NKAIN2: variants seen among roughly 807,000 people sequenced by gnomAD.
The protein encoded by NKAIN2 is sodium/potassium-transporting ATPase subunit beta-1-interacting protein 2.
NKAIN2 carries 14 observed loss-of-function variants against 32.6 expected under a neutral mutation model. That is an observed-to-expected ratio of 0.43 (90% CI 0.28 to 0.67). The LOEUF (loss-of-function observed/expected upper bound fraction) is 0.67, where lower values mean the gene tolerates loss of function less well. Among genes scored for constraint, NKAIN2 ranks in the 30% least tolerant of loss-of-function variants. The probability of loss-of-function intolerance (pLI) is 0.17; values close to 1 mark genes in which losing one functional copy is unlikely to be tolerated. For missense variants in NKAIN2, 198 were observed against 258.3 expected (o/e 0.77, Z 1.60); for synonymous variants, 80 against 87.2 (o/e 0.92, Z 0.46).
intron 1 of NKAIN2, among the ~76,000 whole-genome samples, chr6:123,809,843 A>G (rs1210394975): frequency 6.6e-6 from 1 of 152,168 alleles, no homozygotes; most frequent in Admixed American, 6.5e-5. Flanking sequence ...GGTGACTTCA[A>G]AAGCTTATGA....
intron 1 of NKAIN2, among the ~76,000 whole-genome samples, chr6:123,811,783 A>T (rs1312651161): frequency 6.6e-6 from 1 of 152,140 alleles, no homozygotes; most frequent in Non-Finnish European, 1.5e-5. Context: ...TAGAACAACT[A>T]GTTTTTTTTC....
At chr6:124,108,372 G>A (rs1785216326) in intron 1 of NKAIN2, among the ~76,000 whole-genome samples, 1 of 152,026 alleles carries the variant, frequency 6.6e-6, no homozygotes, top group Admixed American at 6.6e-5. Context: ...GGTGAAATAT[G>A]GCAAGAGGTG....
intron 1 of NKAIN2, among the ~76,000 whole-genome samples, chr6:123,869,423 A>C (rs1479988153): frequency 6.6e-6 from 1 of 152,136 alleles, no homozygotes; most frequent in Non-Finnish European, 1.5e-5. Flanking sequence ...TCCCTTCAAG[A>C]GCTCTCAGCC....
intron 1 of NKAIN2, among the ~76,000 whole-genome samples, chr6:123,981,026 T>G (rs1328692804): frequency 2.0e-5 from 3 of 151,984 alleles, no homozygotes; most frequent in Non-Finnish European, 2.9e-5. Context: ...CGCACCACCA[T>G]GCCCGGCTAT....
intron 1 of NKAIN2, among the ~76,000 whole-genome samples, chr6:124,238,864 C>T (rs887746021): frequency 6.6e-6 from 1 of 152,160 alleles, no homozygotes; most frequent in Non-Finnish European, 1.5e-5. Flanking sequence ...GAAGAAACTG[C>T]ATCAACAAAT....
chr6:124,288,995 T>C (rs992446274), intron 2 of NKAIN2, among the ~76,000 whole-genome samples: 1 of 152,090 alleles, frequency 6.6e-6, no homozygotes, highest in East Asian at 1.9e-4. Context: ...AAGCAAGAGA[T>C]GAAATTAATG....
At chr6:124,068,093 T>C (rs1290937175) in intron 1 of NKAIN2, among the ~76,000 whole-genome samples, 1 of 152,186 alleles carries the variant, frequency 6.6e-6, no homozygotes, top group African/African-American at 2.4e-5. Context: ...CTTAAGTTTA[T>C]GTAGTTAGTA....
At chr6:124,112,391 CA>C (rs1487472433) in intron 1 of NKAIN2, among the ~76,000 whole-genome samples, 105 of 152,286 alleles carry the variant, frequency 6.9e-4, no homozygotes, top group African/African-American at 2.4e-3. Context: ...TATATCACCT[CA>C]TCTTCTGCCC....
chr6:124,424,039 G>T (rs548803118), intron 3 of NKAIN2, among the ~76,000 whole-genome samples: 1 of 152,148 alleles, frequency 6.6e-6, no homozygotes, highest in East Asian at 1.9e-4. Flanking sequence ...TGTTGCCCAG[G>T]CTGGAGTTCA....
At chr6:124,279,496 G>C (rs1795197227) in intron 1 of NKAIN2, among the ~76,000 whole-genome samples, 1 of 123,052 alleles carries the variant, frequency 8.1e-6, no homozygotes, top group Admixed American at 9.2e-5. Flanking sequence ...GGACAACAAA[G>C]CAAGATTCCA....
intron 1 of NKAIN2, among the ~76,000 whole-genome samples, chr6:123,922,639 G>A (rs2206946): frequency 1.1e-4 from 16 of 152,258 alleles, no homozygotes; most frequent in Non-Finnish European, 1.9e-4. Flanking sequence ...ATAAAATATA[G>A]TGTCTGGCTG....
At chr6:124,026,422 A>G (rs12213872) in intron 1 of NKAIN2, among the ~76,000 whole-genome samples, 27,556 of 152,144 alleles carry the variant, frequency 0.18, 2,716 homozygotes, top group African/African-American at 0.24. Context: ...CTCTTTATGA[A>G]TATTACCTTG....
chr6:124,476,492 G>T (rs986620205), intron 3 of NKAIN2, among the ~76,000 whole-genome samples: 5 of 150,604 alleles, frequency 3.3e-5, no homozygotes, highest in African/African-American at 1.2e-4. Flanking sequence ...CATGTTTAAG[G>T]CATAGTCACA....
intron 1 of NKAIN2, among the ~76,000 whole-genome samples, chr6:123,987,855 A>G (rs1562294362): frequency 6.6e-6 from 1 of 152,156 alleles, no homozygotes; most frequent in Non-Finnish European, 1.5e-5. Flanking sequence ...CAGCCATATC[A>G]CAGAACTTAA....
At chr6:123,867,119 T>G (rs529019087) in intron 1 of NKAIN2, among the ~76,000 whole-genome samples, 1 of 152,346 alleles carries the variant, frequency 6.6e-6, no homozygotes, top group African/African-American at 2.4e-5. Context: ...CCGTATCTAA[T>G]CAGCTACTAA....
rs536427282 is a variant in NKAIN2, at chr6:123,869,269, G to A, written c.54+65015G>A. On this transcript the variant is annotated intron_variant, in intron 1 of 6. Coordinates refer to ENST00000368417, the MANE Select transcript of NKAIN2 (RefSeq NM_001040214.3). ...CCTCTTATCAGAAAGTGTTCAGTAT[G>A]TTTGAGATGAAAAAGTAATCTCTAA... Among the ~76,000 whole-genome samples, 26 of 152,274 alleles carry A rather than the reference G, an allele frequency of 1.7e-4. 1 individual carries two copies. The highest frequency in any genetic ancestry group is 6.3e-4 in the African/African-American group (26 of 41,564).
intron 1 of NKAIN2, among the ~76,000 whole-genome samples, chr6:124,130,473 C>G (rs1386578740): frequency 2.0e-5 from 3 of 152,032 alleles, no homozygotes; most frequent in Non-Finnish European, 2.9e-5. Flanking sequence ...TATTTCTCAT[C>G]TGTACTAGAT....
At chr6:124,319,574 T>C (rs1247648257) in intron 2 of NKAIN2, among the ~76,000 whole-genome samples, 1 of 152,146 alleles carries the variant, frequency 6.6e-6, no homozygotes, top group Admixed American at 6.6e-5. Context: ...ATGTTTTCAT[T>C]ACTTAGAAAA....
intron 3 of NKAIN2, among the ~76,000 whole-genome samples, chr6:124,452,051 C>A (rs1776129140): frequency 6.6e-6 from 1 of 151,928 alleles, no homozygotes; most frequent in Non-Finnish European, 1.5e-5. Context: ...AAAAATTATC[C>A]TGGTGCAGTG....
Sources: allele counts gnomAD v4.1 joint callset (sites outside exome capture counted in the v4.1 genomes callset), GRCh38; gene constraint gnomAD v4.1.1; transcripts MANE v1.5; gene names NCBI Gene and HGNC (gene_info 2026-07-23, HGNC 2026-07-21).